The following MPP3 variants were observed in gnomAD, a reference collection of about 807,000 sequenced individuals.
MPP3 encodes the protein MAGUK p55 subfamily member 3.
In MPP3, 48 loss-of-function variants were observed where a neutral mutation model predicts 80.7. That is an observed-to-expected ratio of 0.59 (90% CI 0.47 to 0.76). The LOEUF (loss-of-function observed/expected upper bound fraction) is 0.76, where lower values mean the gene tolerates loss of function less well. MPP3 is among the 30% of genes least tolerant of loss of function. The probability of loss-of-function intolerance (pLI) is 0.00; values close to 1 mark genes in which losing one functional copy is unlikely to be tolerated. For synonymous variants in MPP3, 311 were observed against 297.6 expected, an observed-to-expected ratio of 1.04 and a Z score of -0.46; for missense variants, 620 against 763.0, an observed-to-expected ratio of 0.81 and a Z score of 2.21.
rs775028839 is a variant in MPP3, at chr17:43,807,316, A to AT, written c.1581+1639dup. Among the ~76,000 whole-genome samples, 526 of 138,966 alleles carry AT rather than the reference A, an allele frequency of 3.8e-3. 3 individuals are homozygous for AT. The highest frequency in any genetic ancestry group is 4.1e-3 in the African/African-American group (155 of 37,824). The allele number at this position is 138,966 out of a possible 152,430, so 91.2% of individuals were successfully genotyped here. A position where few individuals can be genotyped will look rare whatever the true frequency, so the allele number is the denominator to read the frequency against. ...AGGAGAAAATTTTTCTTTTTTCTAC[A>AT]TTTTTTTTTTTTTGAGACAGAGTCT... is the stretch of plus-strand genomic sequence containing the variant. On this transcript the variant is annotated intron_variant, in intron 19 of 19. Coordinates refer to ENST00000398389, the MANE Select transcript of MPP3 (RefSeq NM_001932.6).
intron 5 of MPP3, among the ~76,000 whole-genome samples, 169 bp downstream of exon 5, chr17:43,831,075 G>A (rs558504917): frequency 6.6e-6 from 1 of 152,246 alleles, no homozygotes; most frequent in South Asian, 2.1e-4. Flanking sequence ...CCTACCTTTC[G>A]GGGAACCCAG....
intron 11 of MPP3, among the ~76,000 whole-genome samples, chr17:43,820,395 G>A (rs1045826015): frequency 1.3e-5 from 2 of 152,026 alleles, no homozygotes; most frequent in Admixed American, 6.6e-5. Flanking sequence ...GAGGCCAGGA[G>A]TTTGAGACCA....
chr17:43,826,524 A>AC lies in MPP3; in HGVS notation c.524-684dup, dbSNP rs756973098. Among the ~76,000 whole-genome samples the AC allele has an allele frequency of 2.0e-3, 305 of 151,962 alleles. 1 individual carries two copies. Among genetic ancestry groups the AC allele is most frequent in the Non-Finnish European group, 3.0e-3 (202 of 67,942 alleles). On this transcript the variant is annotated intron_variant, in intron 8 of 19. Coordinates refer to ENST00000398389, the MANE Select transcript of MPP3 (RefSeq NM_001932.6). Reference sequence around the variant, plus strand: ...TGGTCTAGGATTCTCTGCAACGATGACCCCCCAGACTTTGGGGGTAACATC... The same window carrying AC: ...TGGTCTAGGATTCTCTGCAACGATGACCCCCCCAGACTTTGGGGGTAACATC...
At chr17:43,821,993 G>T (rs1476870639) in intron 10 of MPP3, among the ~76,000 whole-genome samples, 3 of 152,164 alleles carry the variant, frequency 2.0e-5, no homozygotes, top group Non-Finnish European at 4.4e-5. Context: ...CCCAAATCAA[G>T]CATCTGGATC....
intron 11 of MPP3, among the ~76,000 whole-genome samples, chr17:43,819,493 G>A (rs1366891078): frequency 2.0e-5 from 3 of 152,194 alleles, no homozygotes; most frequent in African/African-American, 7.2e-5. Flanking sequence ...CTGGATGAGG[G>A]CGCAGCCTCC....
At chr17:43,806,170 TA>T (rs1303071079) in intron 19 of MPP3, among the ~76,000 whole-genome samples, 1 of 152,122 alleles carries the variant, frequency 6.6e-6, no homozygotes, top group Non-Finnish European at 1.5e-5. Flanking sequence ...TTTATTTAAT[TA>T]ATTTATTTTT....
chr17:43,825,365 A>T, intron 9 of MPP3: 1 of 172,056 alleles, frequency 5.8e-6, no homozygotes, highest in Non-Finnish European at 1.2e-5. Context: ...TGGTTGAGAA[A>T]GAAACTCTAT....
chr17:43,827,918 A>C (rs1307765009), intron 7 of MPP3, 86 bp from the exon 8 acceptor site: 3 of 1,252,900 alleles, frequency 2.4e-6, no homozygotes, highest in Non-Finnish European at 3.5e-6. Context: ...CAGCCTCCCC[A>C]GTCCCTCCCT....
At chr17:43,806,171 A>T (rs1007487352) in intron 19 of MPP3, among the ~76,000 whole-genome samples, 28 of 151,878 alleles carry the variant, frequency 1.8e-4, no homozygotes, top group East Asian at 5.8e-4. Flanking sequence ...TTATTTAATT[A>T]ATTTATTTTT....
At chr17:43,829,971 C>T (rs763008899) in intron 6 of MPP3, 56 bp downstream of exon 6, 37 of 1,578,598 alleles carry the variant, frequency 2.3e-5, no homozygotes, top group East Asian at 1.3e-4. Context: ...GAGCTCCCTC[C>T]GCCCCCATCC....
At chr17:43,816,738 A>C (rs2045158795) in intron 12 of MPP3, 41 bp from the exon 13 acceptor site, 9 of 1,560,790 alleles carry the variant, frequency 5.8e-6, no homozygotes, top group Non-Finnish European at 6.9e-6. Context: ...GCATTAGTGG[A>C]GGGAAGCGGG....
chr17:43,811,044 T>G lies in MPP3; in HGVS notation c.1349+68A>C. On this transcript the variant is annotated intron_variant, in intron 17 of 19. Coordinates refer to ENST00000398389, the MANE Select transcript of MPP3 (RefSeq NM_001932.6). ...CCTTTCCGGGAGTCCTCCCAGGAGC[T>G]CTAGTGGAATACAGATACAAAAACA... The G allele has an allele frequency of 4.7e-6, 7 of 1,492,378 alleles. 1 individual carries two copies. In the Admixed American group the frequency reaches 1.0e-4, roughly 21 times the overall value. 92.4% of individuals were successfully genotyped at this position (1,492,378 alleles called of 1,614,324 possible).
intron 14 of MPP3, among the ~76,000 whole-genome samples, chr17:43,815,262 G>A (rs2045059354): frequency 6.6e-6 from 1 of 152,104 alleles, no homozygotes; most frequent in Non-Finnish European, 1.5e-5. Flanking sequence ...AGCCTGGGAG[G>A]CTGAGGCTGC....
intron 2 of MPP3, 100 bp downstream of exon 2, chr17:43,832,661 C>A (rs1403500620): frequency 1.3e-5 from 2 of 152,394 alleles, no homozygotes; most frequent in Admixed American, 1.3e-4. Flanking sequence ...ATGGAGCCAG[C>A]CCGCAGCGCC....
intron 6 of MPP3, 67 bp downstream of exon 6, chr17:43,829,960 A>G: frequency 1.3e-6 from 2 of 1,569,458 alleles, no homozygotes; most frequent in Non-Finnish European, 1.7e-6. Context: ...CCTCATTAGG[A>G]GAGCTCCCTC....
Position 43,819,759 on chromosome 17 carries a change from T to G in MPP3, c.881+1103A>C, listed in dbSNP as rs113690711. Among the ~76,000 whole-genome samples, 1,399 of 150,394 alleles carry G rather than the reference T, an allele frequency of 9.3e-3. 18 individuals are homozygous for G. Among genetic ancestry groups the G allele is most frequent in the African/African-American group, 0.033 (1,356 of 40,778 alleles). On this transcript the variant is annotated intron_variant, in intron 11 of 19. Transcript: ENST00000398389. The stretch of plus-strand genomic sequence containing the variant: ...CACTAAAATCACACTACAAAAACGA[T>G]GCTATAATATGGAAAATACTCACGC...
At chr17:43,809,693 C>T (rs1363743914) in intron 18 of MPP3, among the ~76,000 whole-genome samples, 1 of 152,058 alleles carries the variant, frequency 6.6e-6, no homozygotes, top group Non-Finnish European at 1.5e-5. Flanking sequence ...TCCTGGCTAA[C>T]ATGGTGAAAC....
At chr17:43,827,092 T>C (rs1287315580) in intron 8 of MPP3, among the ~76,000 whole-genome samples, 6 of 152,124 alleles carry the variant, frequency 3.9e-5, no homozygotes, top group Non-Finnish European at 1.5e-5. Flanking sequence ...CTCGGCTCAC[T>C]GCAACCTCCA....
chr17:43,825,542 G>A, intron 9 of MPP3: 2 of 526,736 alleles, frequency 3.8e-6, no homozygotes, highest in South Asian at 4.8e-5. Flanking sequence ...CTGAGGAGAA[G>A]GTCTAAGAGA....
Sources: gnomAD v4.1 joint callset for allele counts (sites outside exome capture counted in the v4.1 genomes callset) on GRCh38, gnomAD v4.1.1 for gene constraint, MANE v1.5 for transcripts, NCBI Gene and HGNC (gene_info 2026-07-23, HGNC 2026-07-21) for gene names.